FREM2: variants seen among roughly 807,000 people sequenced by gnomAD.
FREM2 encodes the protein FRAS1-related extracellular matrix protein 2.
FREM2 carries 119 observed loss-of-function variants against 219.9 expected under a neutral mutation model. That is an observed-to-expected ratio of 0.54 (90% confidence interval 0.47 to 0.63). FREM2 has a LOEUF of 0.63. Ranked by LOEUF, FREM2 falls within the 30% of genes least tolerant of loss-of-function variation. The probability of loss-of-function intolerance (pLI) is 0.00; values close to 1 mark genes in which losing one functional copy is unlikely to be tolerated. For missense variants in FREM2, 4,030 were observed against 3,993.6 expected, an observed-to-expected ratio of 1.01 and a Z score of -0.25; for synonymous variants, 1,562 against 1,522.8, an observed-to-expected ratio of 1.03 and a Z score of -0.60.
chr13:38,850,062 G>A lies in FREM2; in HGVS notation c.6404G>A (p.Arg2135Gln), dbSNP rs149325030. The A allele has an allele frequency of 7.0e-5, 113 of 1,613,874 alleles. No homozygotes were observed. In the African/African-American group the frequency reaches 7.3e-4, roughly 10 times the overall value. The change falls in exon 9 of 24, where the codon CGA (arginine) becomes CAA (glutamine). Residue 2135 changes from arginine (R) to glutamine (Q), a missense_variant. By Grantham distance (43) the Arg-to-Gln change is conservative. This residue lies in a region of FREM2 where 3,102 missense variants were observed against 2,950.7 expected (regional missense o/e 1.05). Coordinates refer to ENST00000280481, the MANE Select transcript of FREM2 (RefSeq NM_207361.6). ...SDLPKMQFKERIYTGSESDGQ... is the reference protein window; with the variant it reads ...SDLPKMQFKEQIYTGSESDGQ... ...GTGCCTAAGATGCAATTCAAAGAAC[G>A]AATATATACTGGCAGCGAAAGTGAT...
rs572269551 is a variant in FREM2 at position 38,784,661 on chromosome 13, G to C, written c.5872G>C (p.Glu1958Gln). The C allele has an allele frequency of 4.3e-6, 7 of 1,614,184 alleles. No individual in the cohort carries two copies. Among genetic ancestry groups the C allele is most frequent in the South Asian group, 1.1e-5 (1 of 91,084 alleles). Residue 1958 changes from glutamate to glutamine, a missense_variant, in exon 6 of 24, where the codon GAG becomes CAG. This residue lies in a region of FREM2 where 3,102 missense variants were observed against 2,950.7 expected (regional missense o/e 1.05). Coordinates refer to ENST00000280481, the MANE Select transcript of FREM2 (RefSeq NM_207361.6). The part of the protein sequence containing the change: ...SVVRFDKDER[E>Q]KLCRIVIIDD... ...TGTCCGCTTTGACAAAGATGAACGG[G>C]AGAAACTGTGTCGGATAGTCATAAT...
At chr13:38,851,954 C>T (rs977088292) in intron 11 of FREM2, 86 bp downstream of exon 11, 5 of 1,250,294 alleles carry the variant, frequency 4.0e-6, no homozygotes, top group Admixed American at 3.5e-5. Flanking sequence ...AGAAGGGAAA[C>T]ATCCAATTGA....
At chr13:38,880,245 T>G in intron 23 of FREM2, 39 bp from the exon 24 acceptor site, 2 of 1,593,592 alleles carry the variant, frequency 1.3e-6, no homozygotes, top group Non-Finnish European at 1.7e-6. Context: ...ATTGACATGG[T>G]ATCTAGTATT....
At chr13:38,795,604 C>A (rs939926252) in intron 6 of FREM2, among the ~76,000 whole-genome samples, 5 of 152,098 alleles carry the variant, frequency 3.3e-5, no homozygotes, top group Admixed American at 3.3e-4. Context: ...CTCTAGTCCT[C>A]TCTTTCAGCT....
chr13:38,829,219 A>G (rs974214753), intron 6 of FREM2, among the ~76,000 whole-genome samples: 1 of 152,130 alleles, frequency 6.6e-6, no homozygotes, highest in Non-Finnish European at 1.5e-5. Flanking sequence ...TTAACAAAGC[A>G]AAGTTATTTA....
chr13:38,766,094 T>C (rs1286305301), intron 3 of FREM2, among the ~76,000 whole-genome samples: 4 of 152,226 alleles, frequency 2.6e-5, no homozygotes, highest in Non-Finnish European at 4.4e-5. Flanking sequence ...ATCTATTTTT[T>C]ACCTGAGTTC....
intron 2 of FREM2, among the ~76,000 whole-genome samples, chr13:38,709,985 AT>A (rs1870701294): frequency 9.6e-6 from 1 of 103,924 alleles, no homozygotes; most frequent in African/African-American, 3.6e-5. Context: ...CTAACTAAAA[AT>A]ACACACACAC....
chr13:38,789,979 A>G (rs1034189185), intron 6 of FREM2, among the ~76,000 whole-genome samples: 2 of 152,118 alleles, frequency 1.3e-5, no homozygotes, highest in African/African-American at 4.8e-5. Context: ...GAGATTTTAT[A>G]TGTAGAAAGC....
At chr13:38,874,871 A>C (rs1566175123) in intron 18 of FREM2, among the ~76,000 whole-genome samples, 1 of 152,234 alleles carries the variant, frequency 6.6e-6, no homozygotes, top group South Asian at 2.1e-4. Flanking sequence ...CTTAAAGAGC[A>C]TAGGAATAAT....
In FREM2 at chr13:38,689,601, C is replaced by T; in HGVS notation, c.2257C>T (p.His753Tyr). The T allele has an allele frequency of 6.2e-7, 1 of 1,613,218 alleles. No homozygotes were observed. The highest frequency in any genetic ancestry group is 8.5e-7 in the Non-Finnish European group (1 of 1,179,500). The change falls in exon 1 of 24, where the codon CAC becomes TAC. Residue 753 changes from histidine to tyrosine, a missense_variant. His to Tyr is a moderately conservative substitution (Grantham distance 83). Coordinates refer to ENST00000280481, the MANE Select transcript of FREM2 (RefSeq NM_207361.6). ...GCCCCCCACAGACACAGACGAAAAT[C>T]ACCTGCCAGCCCCACTGGGTACCTT... Reference protein sequence around the residue: ...TQPPTDTDENHLPAPLGTLVL... With the variant: ...TQPPTDTDENYLPAPLGTLVL...
chr13:38,744,648 C>T (rs920163501), intron 2 of FREM2, among the ~76,000 whole-genome samples: 3 of 152,118 alleles, frequency 2.0e-5, no homozygotes, highest in Admixed American at 6.5e-5. Context: ...CCCACCACCA[C>T]GCCTGGCTAA....
At chr13:38,721,867 G>A (rs1445542447) in intron 2 of FREM2, among the ~76,000 whole-genome samples, 4 of 152,098 alleles carry the variant, frequency 2.6e-5, no homozygotes, top group Non-Finnish European at 4.4e-5. Flanking sequence ...TGGAGATGAT[G>A]GCTGTTTCTG....
At chr13:38,878,098 T>G in intron 21 of FREM2, 36 bp from the exon 22 acceptor site, 1 of 1,549,326 alleles carries the variant, frequency 6.5e-7, no homozygotes. Context: ...TACCTTATCA[T>G]ATAACAGAAA....
At chr13:38,798,583 A>AT (rs1180347588) in intron 6 of FREM2, among the ~76,000 whole-genome samples, 1 of 152,090 alleles carries the variant, frequency 6.6e-6, no homozygotes, top group African/African-American at 2.4e-5. Flanking sequence ...TCTGCAGTGA[A>AT]TTTATTAAGT....
chr13:38,870,711 C>G (rs1566173566), intron 16 of FREM2, among the ~76,000 whole-genome samples: 1 of 152,034 alleles, frequency 6.6e-6, no homozygotes, highest in African/African-American at 2.4e-5. Context: ...GATTCTGTGT[C>G]CAAAAATGAT....
chr13:38,802,771 G>A (rs554211248), intron 6 of FREM2, among the ~76,000 whole-genome samples: 2 of 152,312 alleles, frequency 1.3e-5, no homozygotes, highest in South Asian at 4.1e-4. Flanking sequence ...CTAGAGCAAT[G>A]CCTCTGTGCA....
At chr13:38,800,958 C>A (rs1352554884) in intron 6 of FREM2, among the ~76,000 whole-genome samples, 1 of 152,168 alleles carries the variant, frequency 6.6e-6, no homozygotes, top group Non-Finnish European at 1.5e-5. Context: ...CCCTTTCATT[C>A]TCTCTTTTCC....
At chr13:38,876,985 G>T in intron 20 of FREM2, 132 bp from the exon 21 acceptor site, 1 of 1,061,208 alleles carries the variant, frequency 9.4e-7, no homozygotes, top group Non-Finnish European at 1.5e-6. Flanking sequence ...GAGTTAGCTT[G>T]GTAGGGTGTG....
At chr13:38,840,273 C>T (rs975972020) in intron 6 of FREM2, among the ~76,000 whole-genome samples, 3 of 151,998 alleles carry the variant, frequency 2.0e-5, no homozygotes, top group African/African-American at 7.2e-5. Context: ...GCTTGCTCTC[C>T]ATGGGCTGCA....
Sources: gnomAD v4.1 joint callset for allele counts (sites outside exome capture counted in the v4.1 genomes callset) on GRCh38, gnomAD v4.1.1 for gene constraint, gnomAD v4.1.1 regional missense constraint, MANE v1.5 for transcripts, NCBI Gene and HGNC (gene_info 2026-07-23, HGNC 2026-07-21) for gene names.